The following CSMD2 variants were observed in gnomAD, a reference collection of about 807,000 sequenced individuals.
CSMD2 encodes CUB and sushi domain-containing protein 2.
Under a neutral mutation model 398.5 loss-of-function variants are expected in CSMD2, and 130 were observed. The ratio of observed to expected loss-of-function variants is 0.33; its 90% CI spans 0.28 to 0.38. The LOEUF is 0.38. CSMD2 is among the 10% of genes least tolerant of loss of function. The pLI, the probability that CSMD2 is intolerant of heterozygous loss-of-function variation, is 1.00. For missense variants in CSMD2, 3,829 were observed against 4,764.9 expected (o/e 0.80, Z 5.78); for synonymous variants, 1,828 against 1,908.5 (o/e 0.96, Z 1.10).
At chr1:33,908,204 C>G (rs1043435416) in intron 5 of CSMD2, among the ~76,000 whole-genome samples, 8 of 151,898 alleles carry the variant, frequency 5.3e-5, no homozygotes, top group African/African-American at 1.9e-4. Flanking sequence ...GCAGGAGAGA[C>G]GCAAACCAAC....
At chr1:33,573,435 T>C (rs1659777713) in intron 49 of CSMD2, among the ~76,000 whole-genome samples, 1 of 151,998 alleles carries the variant, frequency 6.6e-6, no homozygotes, top group East Asian at 1.9e-4. Flanking sequence ...ATCTTTAAAC[T>C]TCTGATCAGT....
chr1:33,795,156 G>A (rs546811462), intron 10 of CSMD2, among the ~76,000 whole-genome samples: 2 of 151,996 alleles, frequency 1.3e-5, no homozygotes, highest in African/African-American at 4.8e-5. Flanking sequence ...CTGTAGCAAG[G>A]TCTAGGTGAA....
intron 13 of CSMD2, among the ~76,000 whole-genome samples, chr1:33,755,026 G>T (rs146376937): frequency 6.6e-6 from 1 of 152,166 alleles, no homozygotes; most frequent in African/African-American, 2.4e-5. Flanking sequence ...GGATTGCTAG[G>T]CACTGTTGTA....
intron 3 of CSMD2, among the ~76,000 whole-genome samples, chr1:33,986,723 G>A (rs1391818710): frequency 2.6e-5 from 4 of 152,186 alleles, no homozygotes; most frequent in Non-Finnish European, 4.4e-5. Flanking sequence ...CTCAGACAGG[G>A]CTCCTGACTA....
At chr1:33,997,526 CCT>C (rs1232104338) in intron 3 of CSMD2, among the ~76,000 whole-genome samples, 12 of 152,172 alleles carry the variant, frequency 7.9e-5, no homozygotes, top group Admixed American at 6.5e-5. Context: ...GCTCCTGTTC[CCT>C]GTCTTCCTCC....
At chr1:33,716,581 C>A in intron 19 of CSMD2, 80 bp from the exon 20 acceptor site, 1 of 1,010,780 alleles carries the variant, frequency 9.9e-7, no homozygotes, top group Non-Finnish European at 1.5e-6. Flanking sequence ...TCTACACAAA[C>A]ATTTCCAGTT....
intron 2 of CSMD2, among the ~76,000 whole-genome samples, chr1:34,044,142 T>C (rs1272070609): frequency 6.6e-6 from 1 of 152,130 alleles, no homozygotes; most frequent in East Asian, 1.9e-4. Context: ...ATGCGGGTGG[T>C]GATGCAGACC....
chr1:33,803,229 T>A (rs994878604), intron 10 of CSMD2, among the ~76,000 whole-genome samples: 1 of 152,218 alleles, frequency 6.6e-6, no homozygotes, highest in Non-Finnish European at 1.5e-5. Flanking sequence ...CACGACGGTA[T>A]TCTCAGATCC....
At chr1:34,090,460 C>A (rs530676385) in intron 1 of CSMD2, among the ~76,000 whole-genome samples, 17 of 152,264 alleles carry the variant, frequency 1.1e-4, no homozygotes, top group South Asian at 2.1e-4. Flanking sequence ...TGATCCAGGC[C>A]AGCCATCCCT....
chr1:33,748,841 A>T (rs978757161), intron 13 of CSMD2, among the ~76,000 whole-genome samples: 3 of 152,202 alleles, frequency 2.0e-5, no homozygotes, highest in African/African-American at 7.2e-5. Context: ...TCAAACAAGG[A>T]ATGCAAACTT....
At chr1:33,766,389 G>A (rs561853075) in intron 13 of CSMD2, among the ~76,000 whole-genome samples, 1 of 152,288 alleles carries the variant, frequency 6.6e-6, no homozygotes, top group African/African-American at 2.4e-5. Flanking sequence ...AGGGGCTGTT[G>A]CTCTTCTGTT....
intron 3 of CSMD2, among the ~76,000 whole-genome samples, chr1:33,959,348 A>G (rs1470369760): frequency 2.0e-5 from 3 of 152,180 alleles, no homozygotes; most frequent in Non-Finnish European, 4.4e-5. Context: ...ACAGTGCCAG[A>G]CACACACAGA....
chr1:33,997,944 C>T (rs1646778801), intron 3 of CSMD2, among the ~76,000 whole-genome samples: 1 of 152,176 alleles, frequency 6.6e-6, no homozygotes, highest in Non-Finnish European at 1.5e-5. Context: ...ATGGGCATCT[C>T]CTCTGCCCCT....
chr1:33,769,814 G>C (rs1651023600), intron 13 of CSMD2, among the ~76,000 whole-genome samples: 1 of 152,088 alleles, frequency 6.6e-6, no homozygotes, highest in South Asian at 2.1e-4. Flanking sequence ...TCTCAATAAG[G>C]AAAGGGCAAT....
intron 56 of CSMD2, among the ~76,000 whole-genome samples, chr1:33,548,929 T>C (rs941329627): frequency 3.3e-5 from 5 of 152,214 alleles, no homozygotes; most frequent in Admixed American, 2.0e-4. Flanking sequence ...TGAGTCATCA[T>C]GGCTCCTATA....
In CSMD2 at chr1:33,559,256, G is replaced by A; in HGVS notation, c.8554+44C>T. The A allele has an allele frequency of 6.6e-7, 1 of 1,508,298 alleles. No homozygotes were observed. The allele number at this position is 1,508,298 out of a possible 1,614,324, so 93.4% of individuals were successfully genotyped here. On this transcript the variant is annotated intron_variant, in intron 54 of 70. Coordinates refer to ENST00000373381, the MANE Select transcript of CSMD2 (RefSeq NM_001281956.2). The surrounding 1 kb of genome is among the most constrained non-coding windows in gnomAD (Gnocchi z 4.0). Reference sequence around the variant, plus strand: ...TTTCTGAGCTACAGAACCACATATAGCAGAGATGGTGGGGACTGGATTGGG... The same window carrying A: ...TTTCTGAGCTACAGAACCACATATAACAGAGATGGTGGGGACTGGATTGGG...
chr1:33,598,210 C>G (rs1639966968), intron 44 of CSMD2, among the ~76,000 whole-genome samples: 1 of 152,154 alleles, frequency 6.6e-6, no homozygotes, highest in African/African-American at 2.4e-5. Flanking sequence ...CATTTTATTA[C>G]TCTTTAAACT....
Position 33,514,280 on chromosome 1 carries a change from CTTTT to C in CSMD2, c.*2340_*2343del, listed in dbSNP as rs11333218. 4 of 147,326 alleles carry C rather than the reference CTTTT, an allele frequency of 2.7e-5. No individual in the cohort carries two copies. Among genetic ancestry groups the C allele is most frequent in the Admixed American group, 1.4e-4 (2 of 14,790 alleles). The allele number at this position is 147,326 out of a possible 1,614,324, so 9.1% of individuals were successfully genotyped here. On this transcript the variant is annotated 3_prime_UTR_variant, in exon 71 of 71. Transcript: ENST00000373381. Reference sequence around the variant, plus strand: ...ACAATAATGAAAAAAAAATTTACACCTTTTTTTTTTTCTTTTTTGGTACTGTACA... The same window carrying C: ...ACAATAATGAAAAAAAAATTTACACCTTTTTTTCTTTTTTGGTACTGTACA...
intron 5 of CSMD2, among the ~76,000 whole-genome samples, chr1:33,900,006 T>C (rs16836079): frequency 0.039 from 5,940 of 152,016 alleles, 382 homozygotes; most frequent in African/African-American, 0.13. Flanking sequence ...AAAGAAGCTG[T>C]GTGTAGCTGT....
Sources: allele counts gnomAD v4.1 joint callset (sites outside exome capture counted in the v4.1 genomes callset), GRCh38; gene constraint gnomAD v4.1.1; non-coding constraint Gnocchi (gnomAD v3.1); transcripts MANE v1.5; gene names NCBI Gene and HGNC (gene_info 2026-07-23, HGNC 2026-07-21).